The following MYO9A variants were observed in gnomAD, a reference collection of about 807,000 sequenced individuals.
MYO9A encodes myosin IXA.
MYO9A carries 103 observed loss-of-function variants against 293.3 expected under a neutral mutation model. That is an observed-to-expected ratio of 0.35 (90% CI 0.30 to 0.41). MYO9A has a LOEUF of 0.41. MYO9A is among the 10% of genes least tolerant of loss of function. MYO9A has a pLI of 1.00. For missense variants in MYO9A, 2,685 were observed against 3,033.0 expected (o/e 0.89, Z 2.69); for synonymous variants, 1,001 against 1,035.7 (o/e 0.97, Z 0.64).
rs991316925 is a variant in MYO9A, at chr15:71,848,985, G to A, written c.6714-17C>T. The A allele has an allele frequency of 8.3e-6, 13 of 1,570,940 alleles. No homozygotes were observed. The Admixed American group carries it at 1.2e-4, about 15-fold the overall frequency. The stretch of plus-strand genomic sequence containing the variant: ...TCCACACAACTGAAACAGAAGGAAA[G>A]AGAAAAAAACTGTTAAGAGGTGAAG... On this transcript the variant is annotated splice_polypyrimidine_tract_variant and intron_variant, in intron 38 of 41. Coordinates refer to ENST00000356056, the MANE Select transcript of MYO9A (RefSeq NM_006901.4).
At chr15:71,941,075 C>T (rs573928717) in intron 15 of MYO9A, among the ~76,000 whole-genome samples, 2 of 152,120 alleles carry the variant, frequency 1.3e-5, no homozygotes, top group African/African-American at 2.4e-5. Context: ...ATACTAAACA[C>T]TTATGATGGA....
intron 19 of MYO9A, among the ~76,000 whole-genome samples, chr15:71,906,004 A>T (rs1441979570): frequency 6.6e-6 from 1 of 152,126 alleles, no homozygotes; most frequent in Non-Finnish European, 1.5e-5. Context: ...GCTATAAATT[A>T]ACCTTGGAGC....
At chr15:72,101,046 C>T (rs2080284547) in intron 1 of MYO9A, among the ~76,000 whole-genome samples, 1 of 143,178 alleles carries the variant, frequency 7.0e-6, no homozygotes, top group Admixed American at 6.8e-5. Flanking sequence ...CCCGGCCAGC[C>T]GCCCCGTCAG....
chr15:72,055,540 G>A (rs562119013), intron 1 of MYO9A, among the ~76,000 whole-genome samples: 1 of 152,268 alleles, frequency 6.6e-6, no homozygotes, highest in East Asian at 1.9e-4. Flanking sequence ...CCCACAGAGT[G>A]TAAGAAAATC....
intron 1 of MYO9A, among the ~76,000 whole-genome samples, chr15:72,047,973 G>A (rs1477458959): frequency 6.6e-6 from 1 of 151,412 alleles, no homozygotes; most frequent in African/African-American, 2.4e-5. Context: ...GTTTCACCAT[G>A]TTGCCCAGGG....
intron 17 of MYO9A, 70 bp from the exon 18 acceptor site, chr15:71,933,779 G>C (rs547125021): frequency 7.5e-7 from 1 of 1,330,688 alleles, no homozygotes; most frequent in South Asian, 1.3e-5. Flanking sequence ...CTGTAGAGAA[G>C]AAAGATTTCA....
Position 72,019,026 on chromosome 15 carries a change from T to C in MYO9A, c.1155+13A>G, listed in dbSNP as rs568671383. The C allele has an allele frequency of 1.6e-4, 250 of 1,610,530 alleles. 2 individuals carry two copies. The South Asian group carries it at 2.6e-3, about 17-fold the overall frequency. The stretch of plus-strand genomic sequence containing the variant: ...TTGACAGAAACACAGAATATTTAGG[T>C]ACTTGTACTGACCGGCTCAGAGTCA... On this transcript the variant is annotated intron_variant, in intron 6 of 41. Transcript: ENST00000356056.
chr15:71,870,892 G>A (rs1208932978), intron 32 of MYO9A, among the ~76,000 whole-genome samples: 3 of 152,002 alleles, frequency 2.0e-5, no homozygotes, highest in Non-Finnish European at 4.4e-5. Context: ...GATGTGCTGG[G>A]CCAACTGTAC....
intron 12 of MYO9A, among the ~76,000 whole-genome samples, chr15:71,971,241 T>C (rs2076003067): frequency 6.6e-6 from 1 of 151,604 alleles, no homozygotes; most frequent in Non-Finnish European, 1.5e-5. Context: ...GGTCAGGAAA[T>C]TATAGTCTTT....
rs1316331945 is a variant in MYO9A, at chr15:71,897,782, A to G, written c.4721T>C (p.Leu1574Pro). ...NTSNKGELNV[L>P]GSLSLKDAAL... ...TGCATCTTTTAATGATAGGGACCCC[A>G]GTACATTAAGTTCTCCCTTATTTGA... Residue 1574 changes from leucine to proline, a missense_variant, in exon 25 of 42, where the codon CTG (leucine) becomes CCG (proline). Leu to Pro is a moderately conservative substitution (Grantham distance 98). Coordinates refer to ENST00000356056, the MANE Select transcript of MYO9A (RefSeq NM_006901.4). The G allele has an allele frequency of 4.3e-6, 7 of 1,613,986 alleles. No homozygotes were observed. In the Admixed American group the frequency reaches 1.2e-4, roughly 27 times the overall value.
chr15:71,880,310 G>T, intron 29 of MYO9A, 25 bp downstream of exon 29: 1 of 1,597,934 alleles, frequency 6.3e-7, no homozygotes, highest in Non-Finnish European at 8.6e-7. Flanking sequence ...CTGCTCCAGG[G>T]CCTGACGTGG....
intron 11 of MYO9A, among the ~76,000 whole-genome samples, chr15:71,982,479 A>C (rs549282953): frequency 6.6e-5 from 10 of 152,010 alleles, no homozygotes; most frequent in Non-Finnish European, 1.5e-4. Flanking sequence ...AATTTTGTAA[A>C]TATCCCACGC....
chr15:71,951,923 A>C, intron 14 of MYO9A, 27 bp from the exon 15 acceptor site: 1 of 1,562,106 alleles, frequency 6.4e-7, no homozygotes, highest in Non-Finnish European at 8.6e-7. Flanking sequence ...AAACAAACAA[A>C]AAAAAAAGGA....
At chr15:71,960,945 C>T (rs2075724083) in intron 13 of MYO9A, among the ~76,000 whole-genome samples, 1 of 152,036 alleles carries the variant, frequency 6.6e-6, no homozygotes, top group East Asian at 1.9e-4. Context: ...GCACTGGGGA[C>T]AAGGAGAAAG....
intron 32 of MYO9A, among the ~76,000 whole-genome samples, chr15:71,867,871 T>C (rs2056388119): frequency 6.7e-6 from 1 of 148,208 alleles, no homozygotes; most frequent in Admixed American, 6.6e-5. Context: ...GTTCACTCTT[T>C]GTAATAGCAG....
intron 34 of MYO9A, among the ~76,000 whole-genome samples, chr15:71,856,140 A>C (rs562825066): frequency 1.4e-3 from 220 of 152,068 alleles, no homozygotes; most frequent in African/African-American, 5.1e-3. Context: ...GTGAAACCCC[A>C]TTTCTACTAA....
chr15:72,082,989 G>T (rs934616605), intron 1 of MYO9A, among the ~76,000 whole-genome samples: 2 of 151,216 alleles, frequency 1.3e-5, no homozygotes, highest in African/African-American at 4.9e-5. Flanking sequence ...AATTTTTTTT[G>T]TTGTGTCTCT....
intron 16 of MYO9A, among the ~76,000 whole-genome samples, chr15:71,936,511 AC>A (rs2058647894): frequency 6.6e-6 from 1 of 152,194 alleles, no homozygotes; most frequent in African/African-American, 2.4e-5. Context: ...AAAAAATGAC[AC>A]ATATTTGAGA....
At chr15:71,958,496 A>G (rs1350033387) in intron 14 of MYO9A, 1 of 152,148 alleles carries the variant, frequency 6.6e-6, no homozygotes, top group Non-Finnish European at 1.5e-5. Flanking sequence ...CAAACAAACT[A>G]GAGTTTTTCT....
Sources: allele counts gnomAD v4.1 joint callset (sites outside exome capture counted in the v4.1 genomes callset), GRCh38; gene constraint gnomAD v4.1.1; transcripts MANE v1.5; gene names NCBI Gene and HGNC (gene_info 2026-07-23, HGNC 2026-07-21).